The following ZBTB7C variants were observed in gnomAD, a reference collection of about 807,000 sequenced individuals.
The protein encoded by ZBTB7C is zinc finger and BTB domain-containing protein 7C.
A neutral mutation model predicts 25.7 loss-of-function variants in ZBTB7C; 8 were observed. The ratio of observed to expected loss-of-function variants is 0.31; its 90% confidence interval spans 0.18 to 0.56. ZBTB7C has a LOEUF of 0.56. Ranked by LOEUF, ZBTB7C falls within the 20% of genes least tolerant of loss-of-function variation. The probability of loss-of-function intolerance (pLI) is 0.91; values close to 1 mark genes in which losing one functional copy is unlikely to be tolerated. For synonymous variants in ZBTB7C, 394 were observed against 369.0 expected (o/e 1.07, Z -0.78); for missense variants, 824 against 855.2 (o/e 0.96, Z 0.46).
chr18:48,304,841 C>CAAA lies in ZBTB7C; in HGVS notation c.-79+33330_-79+33332dup, dbSNP rs35398428. 4.3e-4 allele frequency among the ~76,000 whole-genome samples: 39 copies of CAAA among 90,248 alleles called. 3 individuals are homozygous for CAAA. Among genetic ancestry groups the CAAA allele is most frequent in the East Asian group, 9.6e-4 (3 of 3,140 alleles). 59.2% of individuals were successfully genotyped at this position (90,248 alleles called of 152,430 possible). A position where few individuals can be genotyped will look rare whatever the true frequency, so the allele number is the denominator to read the frequency against. ...GCACAATGGGAGCCAGGCTCTACCT[C>CAAA]AAAAAAAAAAAAAAAAAAAAAAGAT... is the stretch of plus-strand genomic sequence containing the variant. On this transcript the variant is annotated intron_variant, in intron 2 of 4. Transcript: ENST00000590800.
intron 2 of ZBTB7C, among the ~76,000 whole-genome samples, chr18:48,330,075 TG>T (rs2046309720): frequency 6.6e-6 from 1 of 152,220 alleles, no homozygotes; most frequent in African/African-American, 2.4e-5. Context: ...GGGTCAACTC[TG>T]TGCCAGGCAC....
At chr18:48,361,529 G>C (rs1305933864) in intron 1 of ZBTB7C, among the ~76,000 whole-genome samples, 1 of 152,168 alleles carries the variant, frequency 6.6e-6, no homozygotes, top group East Asian at 1.9e-4. Flanking sequence ...ACATATCATG[G>C]CATCTAATAA....
intron 3 of ZBTB7C, among the ~76,000 whole-genome samples, chr18:48,115,497 C>G (rs2039402592): frequency 6.6e-6 from 1 of 152,144 alleles, no homozygotes; most frequent in Non-Finnish European, 1.5e-5. Flanking sequence ...CTCAGCCTCC[C>G]AAAGTGCTGG....
At chr18:48,321,812 G>A (rs904229376) in intron 2 of ZBTB7C, among the ~76,000 whole-genome samples, 8 of 152,144 alleles carry the variant, frequency 5.3e-5, no homozygotes, top group East Asian at 3.9e-4. Flanking sequence ...CGCCCCAGCC[G>A]AGAGCAGCAT....
At chr18:48,141,153 C>CCG (rs1195909864) in intron 3 of ZBTB7C, among the ~76,000 whole-genome samples, 1 of 148,686 alleles carries the variant, frequency 6.7e-6, no homozygotes, top group African/African-American at 2.5e-5. Flanking sequence ...ACCACCCCCC[C>CCG]CACTGTTCCT....
upstream of ZBTB7C, chr18:48,410,739 A>C (rs1343238316): frequency 6.6e-6 from 1 of 152,354 alleles, no homozygotes; most frequent in East Asian, 1.9e-4. Context: ...CCTCCTTGGT[A>C]GTACATCGGA....
chr18:48,029,412 C>G lies in ZBTB7C; in HGVS notation c.1708G>C (p.Ala570Pro), dbSNP rs202024343. 2.2e-4 allele frequency: 341 copies of G among 1,576,988 alleles called. No individual in the cohort carries two copies. The highest frequency in any genetic ancestry group is 2.8e-4 in the Non-Finnish European group (322 of 1,165,512). Residue 570 changes from alanine (A) to proline (P), a missense_variant, in exon 5 of 5, where the codon GCG (alanine) becomes CCG (proline). Transcript: ENST00000590800. Reference sequence around the variant, plus strand: ...AGCGCGAAGGCCAGGAGGCCCCCCGCGTTCCTCTCAGCCTCCAGCTGCGCG... The same window carrying G: ...AGCGCGAAGGCCAGGAGGCCCCCCGGGTTCCTCTCAGCCTCCAGCTGCGCG... ...GRAQLEAERN[A>P]GGLLAFALAE...
chr18:48,406,493 C>T (rs2048285915), intron 1 of ZBTB7C, among the ~76,000 whole-genome samples: 1 of 152,168 alleles, frequency 6.6e-6, no homozygotes, highest in African/African-American at 2.4e-5. Flanking sequence ...GAACAAATAG[C>T]TGAACTATCT....
intron 3 of ZBTB7C, among the ~76,000 whole-genome samples, chr18:48,043,525 T>C (rs1289763652): frequency 1.3e-5 from 2 of 152,168 alleles, no homozygotes; most frequent in African/African-American, 4.8e-5. Flanking sequence ...ATAACATTCT[T>C]GAGATGATAA....
Position 48,356,982 on chromosome 18 carries a change from G to A in ZBTB7C, c.-303-18584C>T, listed in dbSNP as rs544961073. 2.6e-5 allele frequency among the ~76,000 whole-genome samples: 4 copies of A among 152,300 alleles called. No individual in the cohort carries two copies. The South Asian group carries it at 6.2e-4, about 24-fold the overall frequency. The stretch of plus-strand genomic sequence containing the variant: ...CCCTGCTTTCTCCCCCACTGAACTG[G>A]AAGGGACTAGAGACAGGACCAGGCC... On this transcript the variant is annotated intron_variant, in intron 1 of 4. Transcript: ENST00000590800.
chr18:48,369,038 T>C (rs1415358668), intron 1 of ZBTB7C, among the ~76,000 whole-genome samples: 1 of 152,208 alleles, frequency 6.6e-6, no homozygotes, highest in Non-Finnish European at 1.5e-5. Context: ...CACAATAGAC[T>C]TTCTTTCTCC....
intron 2 of ZBTB7C, among the ~76,000 whole-genome samples, chr18:48,221,179 T>C (rs555296752): frequency 1.3e-5 from 2 of 151,026 alleles, no homozygotes; most frequent in South Asian, 4.2e-4. Flanking sequence ...ATACTATCCT[T>C]GTCTCCTCTA....
chr18:48,367,782 C>T lies in ZBTB7C; in HGVS notation c.-303-29384G>A, dbSNP rs775248937. Among the ~76,000 whole-genome samples the T allele has an allele frequency of 2.8e-4, 42 of 152,048 alleles. No homozygotes were observed. The Middle Eastern group carries it at 0.01, about 37-fold the overall frequency. ...CTAATAGAGTCAGGATGTTTGCTAA[C>T]GCTCAGCAGTAAGGAGACTACCCCA... is the stretch of plus-strand genomic sequence containing the variant. On this transcript the variant is annotated intron_variant, in intron 1 of 4. Coordinates refer to ENST00000590800, the MANE Select transcript of ZBTB7C (RefSeq NM_001318841.2).
chr18:48,399,984 T>A (rs950949985), intron 1 of ZBTB7C, among the ~76,000 whole-genome samples: 2 of 152,198 alleles, frequency 1.3e-5, no homozygotes, highest in Non-Finnish European at 2.9e-5. Context: ...GTTCTAATAT[T>A]TCCTGTGCGG....
chr18:48,309,195 C>A (rs1568367323), intron 2 of ZBTB7C, among the ~76,000 whole-genome samples: 1 of 152,180 alleles, frequency 6.6e-6, no homozygotes, highest in Non-Finnish European at 1.5e-5. Context: ...CTGGAGATCA[C>A]CAAGGGAGGC....
At chr18:48,235,876 C>T (rs909454737) in intron 2 of ZBTB7C, among the ~76,000 whole-genome samples, 5 of 152,128 alleles carry the variant, frequency 3.3e-5, no homozygotes, top group African/African-American at 9.7e-5. Flanking sequence ...TAATATCATA[C>T]GATTTCACTT....
At chr18:48,326,092 C>T (rs2046212277) in intron 2 of ZBTB7C, among the ~76,000 whole-genome samples, 1 of 131,818 alleles carries the variant, frequency 7.6e-6, no homozygotes, top group Non-Finnish European at 1.6e-5. Flanking sequence ...ACTCTACCAA[C>T]ATCTTTTTTT....
At chr18:48,376,626 G>A (rs553315399) in intron 1 of ZBTB7C, among the ~76,000 whole-genome samples, 1 of 152,358 alleles carries the variant, frequency 6.6e-6, no homozygotes, top group African/African-American at 2.4e-5. Context: ...GCAGACCCCA[G>A]GGCCTGCAGC....
chr18:48,360,980 G>A (rs1242370389), intron 1 of ZBTB7C, among the ~76,000 whole-genome samples: 1 of 152,092 alleles, frequency 6.6e-6, no homozygotes, highest in South Asian at 2.1e-4. Flanking sequence ...GGGGTATGAT[G>A]AGTGTGTTTC....
Sources: gnomAD v4.1 joint callset for allele counts (sites outside exome capture counted in the v4.1 genomes callset) on GRCh38, gnomAD v4.1.1 for gene constraint, MANE v1.5 for transcripts, NCBI Gene and HGNC (gene_info 2026-07-23, HGNC 2026-07-21) for gene names.